Variants in ARFGEF1 observed in about 807,000 individuals in gnomAD.
The protein encoded by ARFGEF1 is ARF guanine nucleotide exchange factor 1, also known as brefeldin A-inhibited guanine nucleotide-exchange protein 1.
A neutral mutation model predicts 231.0 loss-of-function variants in ARFGEF1; 42 were observed. The ratio of observed to expected loss-of-function variants is 0.18; its 90% CI spans 0.14 to 0.24. The LOEUF (loss-of-function observed/expected upper bound fraction) is 0.24. ARFGEF1 is among the 10% of genes least tolerant of loss of function. The pLI is 1.00. For missense variants in ARFGEF1, 1,345 were observed against 2,192.0 expected (o/e 0.61, Z 7.72); for synonymous variants, 710 against 732.3 (o/e 0.97, Z 0.49).
At chr8:67,213,650 A>G (rs1838826832) in intron 33 of ARFGEF1, among the ~76,000 whole-genome samples, 1 of 152,356 alleles carries the variant, frequency 6.6e-6, no homozygotes, top group Admixed American at 6.5e-5. Flanking sequence ...AAGGTATTTT[A>G]TACATGTGGT....
At chr8:67,235,430 A>G (rs573152360) in intron 22 of ARFGEF1, among the ~76,000 whole-genome samples, 1 of 152,334 alleles carries the variant, frequency 6.6e-6, no homozygotes, top group East Asian at 1.9e-4. Flanking sequence ...TAGAGAGGGC[A>G]TATTTAGGTT....
At chr8:67,228,390 T>C (rs1290030685) in intron 23 of ARFGEF1, 126 bp from the exon 24 acceptor site, 2 of 802,292 alleles carry the variant, frequency 2.5e-6, no homozygotes, top group African/African-American at 3.5e-5. Context: ...GGTATTCAAA[T>C]GAGTATTTTT....
rs761240655 is a variant in ARFGEF1 at position 67,343,144 on chromosome 8, C to G, written c.124+20G>C. 5 of 1,596,190 alleles carry G rather than the reference C, an allele frequency of 3.1e-6. No individual in the cohort carries two copies. In the South Asian group the frequency reaches 5.6e-5, roughly 18 times the overall value. ...GCCCCACAACAAGCACCCCATCCCCCGGGCCTCCTCCCCGCTCACCTAACG... is the reference window on the plus strand; with the variant it reads ...GCCCCACAACAAGCACCCCATCCCCGGGGCCTCCTCCCCGCTCACCTAACG... On this transcript the variant is annotated intron_variant, in intron 1 of 38. Transcript: ENST00000262215.
chr8:67,197,669 CT>C lies in ARFGEF1; in HGVS notation c.*1264del. 1 of 985,770 alleles carries C rather than the reference CT, an allele frequency of 1.0e-6. No individual in the cohort carries two copies. Among genetic ancestry groups the C allele is most frequent in the Non-Finnish European group, 1.2e-6 (1 of 829,904 alleles). The allele number at this position is 985,770 out of a possible 1,614,324, so 61.1% of individuals were successfully genotyped here. On this transcript the variant is annotated 3_prime_UTR_variant, in exon 39 of 39. Coordinates refer to ENST00000262215, the MANE Select transcript of ARFGEF1 (RefSeq NM_006421.5). The stretch of plus-strand genomic sequence containing the variant: ...GTGGGTTATACAGGTTTTGATTGCA[CT>C]GATGAAATAATTCAAAAACTTTATT...
chr8:67,263,235 G>A lies in ARFGEF1; in HGVS notation c.2123+2771C>T, dbSNP rs542357881. ...GATCCAATTCAAATGTTACCTCTCT[G>A]TTTACAGATCATTTACTTCCTACTT... On this transcript the variant is annotated intron_variant, in intron 14 of 38. Transcript: ENST00000262215. Among the ~76,000 whole-genome samples the A allele has an allele frequency of 2.0e-5, 3 of 152,234 alleles. No individual in the cohort carries two copies. In the East Asian group the frequency reaches 5.8e-4, roughly 29 times the overall value.
At chr8:67,303,673 C>G (rs1806603731) in intron 1 of ARFGEF1, among the ~76,000 whole-genome samples, 1 of 151,786 alleles carries the variant, frequency 6.6e-6, no homozygotes, top group Admixed American at 6.6e-5. Context: ...AAAATCACAC[C>G]ACCACCCTCC....
chr8:67,200,076 G>A (rs575485353), intron 38 of ARFGEF1: 45 of 373,012 alleles, frequency 1.2e-4, no homozygotes, highest in Non-Finnish European at 2.1e-4. Context: ...TGGTTGGACA[G>A]CAGTTTTCAA....
Position 67,218,203 on chromosome 8 carries a change from AAAAAATATAT to A in ARFGEF1, c.4339-75_4339-66del, listed in dbSNP as rs1263403925. Reference sequence around the variant, plus strand: ...CAACTACTATGATTAAAAAAAAAAAAAAAAATATATATATATATATATATATATATAAATG... The same window carrying A: ...CAACTACTATGATTAAAAAAAAAAAAATATATATATATATATATATAAATG... On this transcript the variant is annotated intron_variant, in intron 30 of 38. Transcript: ENST00000262215. 4.2e-5 allele frequency: 7 copies of A among 167,074 alleles called. 1 individual carries two copies. The highest frequency in any genetic ancestry group is 3.0e-4 in the African/African-American group (5 of 16,402). 10.3% of individuals were successfully genotyped at this position (167,074 alleles called of 1,614,324 possible).
chr8:67,193,230 C>T (rs965782743), downstream of ARFGEF1, among the ~76,000 whole-genome samples: 3 of 151,986 alleles, frequency 2.0e-5, no homozygotes, highest in Admixed American at 6.6e-5. Context: ...CCCAAGTAGC[C>T]GGGGACTACA....
In ARFGEF1 at chr8:67,227,189, A is replaced by G; in HGVS notation, c.3864T>C (p.Asp1288=). The G allele has an allele frequency of 6.2e-7, 1 of 1,612,898 alleles. No homozygotes were observed. The highest frequency in any genetic ancestry group is 8.5e-7 in the Non-Finnish European group (1 of 1,179,244). Residue 1288 remains aspartate, a synonymous_variant, in exon 27 of 39, where the codon GAT becomes GAC. Transcript: ENST00000262215. The part of the protein sequence containing the change: ...IFSVFHLAAS[D]QDESIVELAF... The stretch of plus-strand genomic sequence containing the variant: ...CAAGTTCCACTATGCTTTCATCTTG[A>G]TCAGATGCAGCTAGATGAAATACAG...
intron 1 of ARFGEF1, among the ~76,000 whole-genome samples, chr8:67,311,361 A>C (rs1807040150): frequency 9.0e-6 from 1 of 111,464 alleles, no homozygotes; most frequent in African/African-American, 3.5e-5. Flanking sequence ...GGCCGCCCCT[A>C]CTGGGAAGTG....
At chr8:67,315,295 A>G (rs760903630) in intron 1 of ARFGEF1, among the ~76,000 whole-genome samples, 2 of 152,212 alleles carry the variant, frequency 1.3e-5, no homozygotes, top group Non-Finnish European at 2.9e-5. Context: ...GAAACAGACA[A>G]ATCTGCTATT....
At chr8:67,238,610 C>T in intron 21 of ARFGEF1, 117 bp from the exon 22 acceptor site, 1 of 1,418,068 alleles carries the variant, frequency 7.1e-7, no homozygotes, top group Non-Finnish European at 9.5e-7. Flanking sequence ...TTTTAAAAAG[C>T]TAAACGTACT....
At chr8:67,271,044 G>GAAAAA (rs1563878460) in intron 10 of ARFGEF1, among the ~76,000 whole-genome samples, 10 of 115,414 alleles carry the variant, frequency 8.7e-5, no homozygotes, top group Non-Finnish European at 1.2e-4. Context: ...AAAAAAAAAA[G>GAAAAA]GAAAAAGAAA....
chr8:67,306,419 A>G (rs549493819), intron 1 of ARFGEF1, among the ~76,000 whole-genome samples: 4 of 152,364 alleles, frequency 2.6e-5, no homozygotes, highest in African/African-American at 9.6e-5. Context: ...AACACTGTTT[A>G]TAAGGCACAG....
At chr8:67,283,128 G>A (rs1294653215) in intron 7 of ARFGEF1, among the ~76,000 whole-genome samples, 4 of 152,078 alleles carry the variant, frequency 2.6e-5, no homozygotes, top group Non-Finnish European at 5.9e-5. Context: ...TTTGACCCTG[G>A]AAATAGCCAA....
chr8:67,277,392 T>A lies in ARFGEF1; in HGVS notation c.1093A>T (p.Ser365Cys). 1 of 1,613,836 alleles carries A rather than the reference T, an allele frequency of 6.2e-7. No individual in the cohort carries two copies. The highest frequency in any genetic ancestry group is 8.5e-7 in the Non-Finnish European group (1 of 1,179,840). ...TTTGCTTGAATATTTTCACTGTCAC[T>A]ACCATCCTCTATAGTTCCAATGTTG... is the stretch of plus-strand genomic sequence containing the variant. ...DGNIGTIEDG[S>C]DSENIQANGI... The change falls in exon 8 of 39, where the codon AGT becomes TGT. Residue 365 changes from serine to cysteine, a missense_variant. Physicochemically the swap from Ser to Cys is moderately radical, Grantham distance 112 (BLOSUM62 -1). Around this residue, in one of 14 missense-constraint regions of ARFGEF1, gnomAD observed 398 missense variants for 463.2 expected, o/e 0.86. Transcript: ENST00000262215.
intron 7 of ARFGEF1, among the ~76,000 whole-genome samples, chr8:67,287,420 A>AT (rs1411154872): frequency 2.0e-5 from 3 of 152,154 alleles, no homozygotes. Flanking sequence ...TTCACCCCAT[A>AT]TACCTCTTCC....
In ARFGEF1 at chr8:67,267,330, T is replaced by A; in HGVS notation, c.1672+13A>T. 6.3e-7 allele frequency: 1 copy of A among 1,598,418 alleles called. No homozygotes were observed. Among genetic ancestry groups the A allele is most frequent in the Non-Finnish European group, 8.5e-7 (1 of 1,172,826 alleles). ...AATAAGAAAGAGATAATAAAAAGGA[T>A]AATTTAAAATACCTGCACAAATCCT... On this transcript the variant is annotated intron_variant, in intron 11 of 38. Coordinates refer to ENST00000262215, the MANE Select transcript of ARFGEF1 (RefSeq NM_006421.5).
Sources: gnomAD v4.1 joint callset for allele counts (sites outside exome capture counted in the v4.1 genomes callset) on GRCh38, gnomAD v4.1.1 for gene constraint, gnomAD v4.1.1 regional missense constraint, MANE v1.5 for transcripts, NCBI Gene and HGNC (gene_info 2026-07-23, HGNC 2026-07-21) for gene names.